The following SLC35D1 variants were observed in gnomAD, a reference collection of about 807,000 sequenced individuals.
The protein encoded by SLC35D1 is solute carrier family 35 member D1.
A neutral mutation model predicts 46.7 loss-of-function variants in SLC35D1; 31 were observed. The ratio of observed to expected loss-of-function variants is 0.66; its 90% CI spans 0.50 to 0.90. SLC35D1 has a LOEUF of 0.90. Ranked by LOEUF, SLC35D1 falls within the 40% of genes least tolerant of loss-of-function variation. The pLI is 0.00. For synonymous variants in SLC35D1, 195 were observed against 164.6 expected, an observed-to-expected ratio of 1.18 and a Z score of -1.41; for missense variants, 397 against 426.2, an observed-to-expected ratio of 0.93 and a Z score of 0.60.
chr1:67,027,810 C>T (rs1041722201), intron 8 of SLC35D1, among the ~76,000 whole-genome samples: 2 of 152,126 alleles, frequency 1.3e-5, no homozygotes, highest in Admixed American at 6.5e-5. Context: ...TGGCTCACTG[C>T]AATCTCTGCC....
downstream of SLC35D1, among the ~76,000 whole-genome samples, chr1:66,995,473 A>C (rs927390518): frequency 5.1e-5 from 5 of 98,478 alleles, no homozygotes; most frequent in Admixed American, 2.1e-4. Flanking sequence ...AAAAAAAAAA[A>C]AAAAAAAAAC....
chr1:67,040,575 T>C (rs571488361), intron 8 of SLC35D1, among the ~76,000 whole-genome samples: 1 of 152,336 alleles, frequency 6.6e-6, no homozygotes, highest in Admixed American at 6.5e-5. Context: ...TCTTTGCAGG[T>C]ATGCCTGAGC....
chr1:66,976,449 A>G, the SLC35D1 span: 2 of 551,756 alleles, frequency 3.6e-6, no homozygotes, highest in Admixed American at 3.9e-5. Flanking sequence ...ATAGCTTTCA[A>G]CATAGCTGCT....
At chr1:67,010,495 T>G (rs954975710) in intron 10 of SLC35D1, among the ~76,000 whole-genome samples, 2 of 152,168 alleles carry the variant, frequency 1.3e-5, no homozygotes, top group Admixed American at 1.3e-4. Flanking sequence ...CACTCCCAGG[T>G]GCAAACATCT....
chr1:67,039,346 T>C (rs966142722), intron 8 of SLC35D1, among the ~76,000 whole-genome samples: 3 of 152,184 alleles, frequency 2.0e-5, no homozygotes, highest in African/African-American at 7.2e-5. Context: ...GTTTATGTGG[T>C]CCTATAATCA....
the SLC35D1 span, among the ~76,000 whole-genome samples, chr1:66,978,022 C>T: frequency 6.6e-6 from 1 of 151,868 alleles, no homozygotes; most frequent in African/African-American, 2.4e-5. Context: ...CATGGTGAAA[C>T]CCCATATCTA....
chr1:67,019,976 C>T (rs1667763706), intron 10 of SLC35D1, among the ~76,000 whole-genome samples: 1 of 152,100 alleles, frequency 6.6e-6, no homozygotes, highest in African/African-American at 2.4e-5. Flanking sequence ...CCCCAATTAG[C>T]TTCTGGCCAG....
At chr1:66,987,414 T>TATCA in the SLC35D1 span, 1 of 152,612 alleles carries the variant, frequency 6.6e-6, no homozygotes, top group South Asian at 2.1e-4. Flanking sequence ...AACAAAGCAC[T>TATCA]ATCATTTTCA....
chr1:67,033,001 G>GT (rs1334933588), intron 8 of SLC35D1, among the ~76,000 whole-genome samples: 1 of 152,100 alleles, frequency 6.6e-6, no homozygotes, highest in African/African-American at 2.4e-5. Context: ...CGTGAAGTTT[G>GT]TTTTTCTGTG....
At position 67,053,934 on chromosome 1, in the gene SLC35D1, T is replaced by A. The variant is rs747900464; in HGVS notation, c.80A>T (p.Glu27Val). 1.9e-6 allele frequency: 3 copies of A among 1,613,756 alleles called. 1 individual carries two copies. In the South Asian group the frequency reaches 3.3e-5, roughly 18 times the overall value. ...PAKSSTLRDE[E>V]ELGMASAETL... ...TTCGGCCGACGCCATCCCCAGCTCC[T>A]CCTCATCTCGGAGTGTGGAGGATTT... The change falls in exon 1 of 12, where the codon GAG (glutamate) becomes GTG (valine). Residue 27 changes from glutamate to valine, a missense_variant. Transcript: ENST00000235345.
the SLC35D1 span, chr1:66,973,057 C>A: frequency 1.2e-6 from 1 of 840,670 alleles, no homozygotes; most frequent in Non-Finnish European, 2.0e-6. Flanking sequence ...GGTCATGTAT[C>A]GTAATTTGTT....
At position 67,004,421 on chromosome 1, in the gene SLC35D1, A is replaced by G. The variant is rs1667404337; in HGVS notation, c.987T>C (p.Tyr329=). Residue 329 remains tyrosine (Y), a synonymous_variant, in exon 12 of 12, where the codon TAT becomes TAC. Coordinates refer to ENST00000235345, the MANE Select transcript of SLC35D1 (RefSeq NM_015139.3). ...TCAGCTGCTCTTCAGTGAAAGTGAT[A>G]TAGGAATATACCAGGCTCCCAGCAA... ...ISIAGSLVYS[Y]ITFTEEQLSK... 6.2e-7 allele frequency: 1 copy of G among 1,613,938 alleles called. No homozygotes were observed. Among genetic ancestry groups the G allele is most frequent in the Non-Finnish European group, 8.5e-7 (1 of 1,179,940 alleles).
chr1:67,008,659 T>C (rs192685178), intron 11 of SLC35D1, among the ~76,000 whole-genome samples: 84 of 152,290 alleles, frequency 5.5e-4, no homozygotes, highest in African/African-American at 1.9e-3. Flanking sequence ...ACATATTCAT[T>C]AGCCCCCGAC....
chr1:67,023,897 A>T (rs933941722), intron 8 of SLC35D1, among the ~76,000 whole-genome samples: 1 of 151,740 alleles, frequency 6.6e-6, no homozygotes, highest in Non-Finnish European at 1.5e-5. Context: ...ATACACACAC[A>T]TACATAAAAT....
intron 5 of SLC35D1, 23 bp downstream of exon 5, chr1:67,050,410 G>A (rs748753617): frequency 2.6e-5 from 41 of 1,556,458 alleles, no homozygotes; most frequent in African/African-American, 8.1e-5. Flanking sequence ...TTAAAGAACA[G>A]ATATATTAGA....
chr1:67,039,166 G>C (rs976633010), intron 8 of SLC35D1, among the ~76,000 whole-genome samples: 1 of 152,172 alleles, frequency 6.6e-6, no homozygotes, highest in Non-Finnish European at 1.5e-5. Flanking sequence ...AATTTGCATC[G>C]ATTTTGCTTC....
At chr1:67,020,531 C>G in intron 9 of SLC35D1, 84 bp from the exon 10 acceptor site, 1 of 958,344 alleles carries the variant, frequency 1.0e-6, no homozygotes, top group Non-Finnish European at 1.7e-6. Context: ...GTTGGCCAAG[C>G]CAGCACATTC....
chr1:67,030,490 A>G (rs1667995960), intron 8 of SLC35D1, among the ~76,000 whole-genome samples: 1 of 152,222 alleles, frequency 6.6e-6, no homozygotes, highest in Non-Finnish European at 1.5e-5. Flanking sequence ...GGTTGTTATC[A>G]GAATTACAAA....
chr1:66,977,097 A>C, the SLC35D1 span, among the ~76,000 whole-genome samples: 6 of 151,926 alleles, frequency 3.9e-5, no homozygotes, highest in Admixed American at 6.6e-5. Context: ...GTATAAGCAC[A>C]TACAGTTTTA....
Sources: gnomAD v4.1 joint callset for allele counts (sites outside exome capture counted in the v4.1 genomes callset) on GRCh38, gnomAD v4.1.1 for gene constraint, MANE v1.5 for transcripts, NCBI Gene and HGNC (gene_info 2026-07-23, HGNC 2026-07-21) for gene names.